Variants in FDXR observed in about 807,000 individuals in gnomAD.
FDXR encodes the protein NADPH:adrenodoxin oxidoreductase, mitochondrial.
Under a neutral mutation model 58.3 loss-of-function variants are expected in FDXR, and 38 were observed. The observed-to-expected ratio is 0.65, with a 90% CI of 0.50 to 0.85. The LOEUF (loss-of-function observed/expected upper bound fraction) is 0.85. FDXR is among the 40% of genes least tolerant of loss of function. The probability of loss-of-function intolerance (pLI) is 0.00; values close to 1 mark genes in which losing one functional copy is unlikely to be tolerated. For missense variants in FDXR, 624 were observed against 671.0 expected (o/e 0.93, Z 0.77); for synonymous variants, 275 against 273.8 (o/e 1.00, Z -0.04).
chr17:74,866,715 G>C (rs942530553), intron 3 of FDXR, 69 bp downstream of exon 3: 19 of 1,592,608 alleles, frequency 1.2e-5, no homozygotes, highest in East Asian at 2.2e-5. Flanking sequence ...TCCAGCCAGG[G>C]AGCCTCCCTG....
chr17:74,867,146 A>G, intron 2 of FDXR: 1 of 606,920 alleles, frequency 1.6e-6, no homozygotes, highest in Non-Finnish European at 2.8e-6. Context: ...GTCTCTACTA[A>G]AAATACAAAG....
chr17:74,866,812 C>T lies in FDXR; in HGVS notation c.242G>A (p.Gly81Asp). 2 of 1,614,200 alleles carry T rather than the reference C, an allele frequency of 1.2e-6. No homozygotes were observed. Among genetic ancestry groups the T allele is most frequent in the Non-Finnish European group, 1.7e-6 (2 of 1,180,046 alleles). The change falls in exon 3 of 12, where the codon GGT becomes GAT. Residue 81 changes from glycine (G) to aspartate (D), a missense_variant. By Grantham distance (94) the Gly-to-Asp change is moderately conservative. Transcript: ENST00000293195. ...CACCTCGGGGTGATCAGGCGCCACA[C>T]CAAAGCGCACCAGGCCAAAGGGCAC... ...QPVPFGLVRF[G>D]VAPDHPEVKN...
rs2144665676 is a variant in FDXR at position 74,867,110 on chromosome 17, C to T, written c.178-234G>A. 5 of 768,800 alleles carry T rather than the reference C, an allele frequency of 6.5e-6. No homozygotes were observed. In the South Asian group the frequency reaches 7.7e-5, roughly 12 times the overall value. 47.6% of individuals were successfully genotyped at this position (768,800 alleles called of 1,614,324 possible). ...TAACCTGAGGTCAGGAGTTCGAGAC[C>T]AGCCTGACCAACATGGTGAAACCCT... On this transcript the variant is annotated intron_variant, in intron 2 of 11. Transcript: ENST00000293195.
At position 74,863,366 on chromosome 17, in the gene FDXR, T is replaced by G; in HGVS notation, c.1175-120A>C. ...AGACACCCCACGCCTCTTGGCAGACTGTCGGCTGAGCCTGCTGTGGCCGCT... is the reference window on the plus strand; with the variant it reads ...AGACACCCCACGCCTCTTGGCAGACGGTCGGCTGAGCCTGCTGTGGCCGCT... On this transcript the variant is annotated intron_variant, in intron 10 of 11. Transcript: ENST00000293195. 4 of 993,456 alleles carry G rather than the reference T, an allele frequency of 4.0e-6. No individual in the cohort carries two copies. The South Asian group carries it at 6.4e-5, about 16-fold the overall frequency. 61.5% of individuals were successfully genotyped at this position (993,456 alleles called of 1,614,324 possible).
intron 10 of FDXR, 34 bp from the exon 11 acceptor site, chr17:74,863,280 G>C: frequency 1.3e-6 from 2 of 1,593,698 alleles, no homozygotes; most frequent in Non-Finnish European, 1.7e-6. Context: ...AAGGGAGGGA[G>C]GTGGCTGGAT....
chr17:74,867,342 C>T (rs543782273), intron 2 of FDXR, among the ~76,000 whole-genome samples: 2 of 148,920 alleles, frequency 1.3e-5, no homozygotes, highest in East Asian at 3.9e-4. Flanking sequence ...AAGACGACGA[C>T]GGCCGGCCCT....
At position 74,863,186 on chromosome 17, in the gene FDXR, G is replaced by C; in HGVS notation, c.1235C>G (p.Thr412Ser). 1 of 1,613,888 alleles carries C rather than the reference G, an allele frequency of 6.2e-7. No individual in the cohort carries two copies. Among genetic ancestry groups the C allele is most frequent in the Non-Finnish European group, 8.5e-7 (1 of 1,179,980 alleles). Residue 412 changes from threonine (T) to serine (S), a missense_variant, in exon 11 of 12, where the codon ACT becomes AGT. Physicochemically the swap from Thr to Ser is moderately conservative, Grantham distance 58. Coordinates refer to ENST00000293195, the MANE Select transcript of FDXR (RefSeq NM_024417.5). Reference protein sequence around the residue: ...GPTGVIATTMTDSFLTGQMLL... With the variant: ...GPTGVIATTMSDSFLTGQMLL... ...CATCTGGCCGGTGAGGAAGCTGTCA[G>C]TCATGGTTGTGGCTATGACACCTGT... is the stretch of plus-strand genomic sequence containing the variant.
At chr17:74,872,685 G>T in intron 1 of FDXR, 181 bp downstream of exon 1, 1 of 1,343,268 alleles carries the variant, frequency 7.4e-7, no homozygotes, top group Non-Finnish European at 1.0e-6. Flanking sequence ...AACCCTAGAA[G>T]CCTCACATCT....
At position 74,863,159 on chromosome 17, in the gene FDXR, A is replaced by G; in HGVS notation, c.1262T>C (p.Leu421Pro). The G allele has an allele frequency of 6.2e-7, 1 of 1,613,854 alleles. No homozygotes were observed. Among genetic ancestry groups the G allele is most frequent in the East Asian group, 2.2e-5 (1 of 44,886 alleles). The change falls in exon 11 of 12, where the codon CTG (leucine) becomes CCG (proline). Residue 421 changes from leucine (L) to proline (P), a missense_variant. Leu to Pro is a moderately conservative substitution (Grantham distance 98, BLOSUM62 -3). Coordinates refer to ENST00000293195, the MANE Select transcript of FDXR (RefSeq NM_024417.5). ...MTDSFLTGQM[L>P]LQDLKAGLLP... ...CAACCCAGCCTTCAGGTCCTGCAGCAGCATCTGGCCGGTGAGGAAGCTGTC... is the reference window on the plus strand; with the variant it reads ...CAACCCAGCCTTCAGGTCCTGCAGCGGCATCTGGCCGGTGAGGAAGCTGTC...
intron 5 of FDXR, 119 bp downstream of exon 5, chr17:74,866,012 C>A: frequency 1.1e-6 from 1 of 927,954 alleles, no homozygotes; most frequent in South Asian, 1.5e-5. Context: ...GGCCTCCCGC[C>A]TCAGTCAGCA....
At chr17:74,870,516 C>CAAAAAAAA (rs1168237892) in intron 2 of FDXR, among the ~76,000 whole-genome samples, 3 of 54,974 alleles carry the variant, frequency 5.5e-5, no homozygotes, top group Non-Finnish European at 8.9e-5. Context: ...GACTCCATCT[C>CAAAAAAAA]AAAAAAAAAA....
chr17:74,871,751 G>T (rs35487496), intron 2 of FDXR, among the ~76,000 whole-genome samples: 28 of 152,330 alleles, frequency 1.8e-4, no homozygotes, highest in Non-Finnish European at 2.6e-4. Flanking sequence ...CATTTTGCAG[G>T]TCTACATAAG....
rs372851948 is a variant in FDXR, at chr17:74,864,257, G to A, written c.893C>T (p.Ser298Leu). Residue 298 changes from serine to leucine, a missense_variant, in exon 9 of 12, where the codon TCG becomes TTG. Ser to Leu is a moderately radical substitution (Grantham distance 145). Transcript: ENST00000293195. ...GCGGAGGCCCCAGGCACGGGAGGCC[G>A]ATGCCTGGCGGGCAGCTTCCGCCGG... The part of the protein sequence containing the change: ...PGPAEAARQA[S>L]ASRAWGLRFF... The A allele has an allele frequency of 2.5e-4, 400 of 1,599,534 alleles. 1 individual carries two copies. The highest frequency in any genetic ancestry group is 1.1e-3 in the South Asian group (101 of 90,808).
chr17:74,866,042 T>C, intron 5 of FDXR, 89 bp downstream of exon 5: 1 of 1,093,226 alleles, frequency 9.1e-7, no homozygotes, highest in Non-Finnish European at 1.4e-6. Context: ...AGCTCGCCAC[T>C]GGATGGCAGC....
rs375196494 is a variant in FDXR, at chr17:74,866,123, A to G, written c.507+8T>C. On this transcript the variant is annotated splice_region_variant and intron_variant, in intron 5 of 11. Coordinates refer to ENST00000293195, the MANE Select transcript of FDXR (RefSeq NM_024417.5). ...GGAAGAGGCAGCGGGCGTGCTCCCC[A>G]TACTCACCTCCTGGTTCTCAGGAAG... 1.9e-6 allele frequency: 3 copies of G among 1,601,902 alleles called. No individual in the cohort carries two copies. In the African/African-American group the frequency reaches 4.0e-5, roughly 21 times the overall value.
intron 5 of FDXR, 138 bp downstream of exon 5, chr17:74,865,993 T>A: frequency 1.2e-6 from 1 of 857,220 alleles, no homozygotes; most frequent in Admixed American, 2.1e-5. Context: ...CCCGAGGCCC[T>A]CCACAGCTGG....
chr17:74,867,902 G>A (rs2038247055), intron 2 of FDXR, among the ~76,000 whole-genome samples: 1 of 152,154 alleles, frequency 6.6e-6, no homozygotes, highest in Non-Finnish European at 1.5e-5. Context: ...TCAGGATGGT[G>A]AGACTCTGGG....
At chr17:74,870,720 A>C (rs1188486909) in intron 2 of FDXR, among the ~76,000 whole-genome samples, 1 of 150,466 alleles carries the variant, frequency 6.6e-6, no homozygotes, top group African/African-American at 2.4e-5. Flanking sequence ...CTTGCATTCC[A>C]GGATGACTCC....
At chr17:74,865,678 G>T in intron 6 of FDXR, 41 bp downstream of exon 6, 1 of 1,405,438 alleles carries the variant, frequency 7.1e-7, no homozygotes, top group South Asian at 1.2e-5. Flanking sequence ...TCCTCAGGGT[G>T]ACCCCACCTC....
Sources: gnomAD v4.1 joint callset for allele counts (sites outside exome capture counted in the v4.1 genomes callset) on GRCh38, gnomAD v4.1.1 for gene constraint, MANE v1.5 for transcripts, NCBI Gene and HGNC (gene_info 2026-07-23, HGNC 2026-07-21) for gene names.